Variants in ABLIM2 observed in about 807,000 individuals in gnomAD.
ABLIM2 encodes the protein actin binding LIM protein family member 2.
A neutral mutation model predicts 97.7 loss-of-function variants in ABLIM2; 53 were observed. The ratio of observed to expected loss-of-function variants is 0.54; its 90% confidence interval spans 0.44 to 0.68. ABLIM2 has a LOEUF of 0.68. Among genes scored for constraint, ABLIM2 ranks in the 30% least tolerant of loss-of-function variants. ABLIM2 has a pLI of 0.00. For synonymous variants in ABLIM2, 361 were observed against 345.8 expected (o/e 1.04, Z -0.49); for missense variants, 835 against 867.2 (o/e 0.96, Z 0.47).
At chr4:8,081,199 C>G (rs1178383542) in intron 4 of ABLIM2, among the ~76,000 whole-genome samples, 1 of 152,136 alleles carries the variant, frequency 6.6e-6, no homozygotes, top group East Asian at 1.9e-4. Context: ...AGCCAGCCCC[C>G]AGCCCCCAAC....
At chr4:8,086,350 T>C (rs1192620400) in intron 4 of ABLIM2, among the ~76,000 whole-genome samples, 3 of 81,120 alleles carry the variant, frequency 3.7e-5, no homozygotes, top group East Asian at 2.5e-4. Flanking sequence ...CCCCTCCCAC[T>C]TTTTTTTTTT....
At chr4:8,116,480 T>C (rs899526161) in intron 1 of ABLIM2, among the ~76,000 whole-genome samples, 1 of 152,184 alleles carries the variant, frequency 6.6e-6, no homozygotes, top group Admixed American at 6.5e-5. Flanking sequence ...AATCCGTGGG[T>C]TTCCACTTGG....
In ABLIM2 at chr4:8,001,127, C is replaced by G. The variant is rs911193337; in HGVS notation, c.1618+6932G>C. Reference sequence around the variant, plus strand: ...CCTTGGTGTGTCCATCTGAGGAAGACGGGCACCCCTCATCCCTGAGCAGCG... The same window carrying G: ...CCTTGGTGTGTCCATCTGAGGAAGAGGGGCACCCCTCATCCCTGAGCAGCG... On this transcript the variant is annotated intron_variant, in intron 16 of 20. Transcript: ENST00000447017. This position sits in a 1 kb window ranked among gnomAD's most constrained non-coding sequence, Gnocchi z 4.2. 2.0e-5 allele frequency among the ~76,000 whole-genome samples: 3 copies of G among 152,166 alleles called. No homozygotes were observed. Among genetic ancestry groups the G allele is most frequent in the Non-Finnish European group, 4.4e-5 (3 of 68,024 alleles).
At chr4:8,031,906 G>A (rs924780519) in intron 10 of ABLIM2, among the ~76,000 whole-genome samples, 2 of 151,998 alleles carry the variant, frequency 1.3e-5, no homozygotes, top group Admixed American at 6.6e-5. Context: ...TGTATTTTTA[G>A]TGGAGACGGG....
chr4:8,127,865 T>TG lies in ABLIM2; in HGVS notation c.11-21229dup, dbSNP rs1848664373. On this transcript the variant is annotated intron_variant, in intron 1 of 20. Transcript: ENST00000447017. The surrounding 1 kb of genome is among the most constrained non-coding windows in gnomAD (Gnocchi z 7.3). ...GGCACTCGGGGTGGGGGAGGAGTGG[T>TG]GGGGGTGGGGAGCATCTGCTGACCC... Among the ~76,000 whole-genome samples, 1 of 94,844 alleles carries TG rather than the reference T, an allele frequency of 1.1e-5. No individual in the cohort carries two copies. Among genetic ancestry groups the TG allele is most frequent in the Admixed American group, 1.2e-4 (1 of 8,596 alleles). 62.2% of individuals were successfully genotyped at this position (94,844 alleles called of 152,430 possible).
In ABLIM2 at chr4:8,147,095, G is replaced by C. The variant is rs994518868; in HGVS notation, c.10+11585C>G. The stretch of plus-strand genomic sequence containing the variant: ...TGTTTCAGAGGCTTTCTTCAGAAGA[G>C]ATTCCCAGAAGTCGCATTATTCCAT... On this transcript the variant is annotated intron_variant, in intron 1 of 20. Transcript: ENST00000447017. The surrounding 1 kb of genome is among the most constrained non-coding windows in gnomAD (Gnocchi z 5.3). Among the ~76,000 whole-genome samples the C allele has an allele frequency of 2.6e-5, 4 of 152,170 alleles. No individual in the cohort carries two copies. The highest frequency in any genetic ancestry group is 9.7e-5 in the African/African-American group (4 of 41,440).
Position 8,088,256 on chromosome 4 carries a change from T to G in ABLIM2, c.367A>C (p.Thr123Pro). ...CACATGCATTCCTTCCCGTTGAAGG[T>G]CACTCGGTCCCCGGGGGGGAAGGGC... ...RLPFPPGDRV[T>P]FNGKECMCQK... is the part of the protein sequence containing the mutation. The change falls in exon 4 of 21, where the codon ACC becomes CCC. Residue 123 changes from threonine (T) to proline (P), a missense_variant. Physicochemically the swap from Thr to Pro is conservative, Grantham distance 38. Transcript: ENST00000447017. 1.2e-6 allele frequency: 2 copies of G among 1,611,810 alleles called. No individual in the cohort carries two copies. Among genetic ancestry groups the G allele is most frequent in the Non-Finnish European group, 1.7e-6 (2 of 1,179,250 alleles).
chr4:8,094,960 CTCCCTCCT>C (rs1285544309), intron 3 of ABLIM2, among the ~76,000 whole-genome samples: 3 of 135,186 alleles, frequency 2.2e-5, no homozygotes, highest in Non-Finnish European at 4.9e-5. Flanking sequence ...CTTCCTTTCC[CTCCCTCCT>C]TCCCTCCCTT....
At position 8,123,254 on chromosome 4, in the gene ABLIM2, GGCACAACA is replaced by G. The variant is rs1221153474; in HGVS notation, c.11-16625_11-16618del. ...CCCTCCCCTGTGCAGGCATGGTGTG[GGCACAACA>G]GCACCAGCCCCATCTCCAACTGGCA... On this transcript the variant is annotated intron_variant, in intron 1 of 20. Transcript: ENST00000447017. This position sits in a 1 kb window ranked among gnomAD's most constrained non-coding sequence, Gnocchi z 6.2. Among the ~76,000 whole-genome samples the G allele has an allele frequency of 6.6e-6, 1 of 152,172 alleles. No individual in the cohort carries two copies. The highest frequency in any genetic ancestry group is 1.5e-5 in the Non-Finnish European group (1 of 68,038).
chr4:8,075,455 G>A lies in ABLIM2; in HGVS notation c.675+2173C>T, dbSNP rs548647548. Among the ~76,000 whole-genome samples, 1 of 152,282 alleles carries A rather than the reference G, an allele frequency of 6.6e-6. No individual in the cohort carries two copies. The highest frequency in any genetic ancestry group is 1.9e-4 in the East Asian group (1 of 5,182). On this transcript the variant is annotated intron_variant, in intron 6 of 20. Coordinates refer to ENST00000447017, the MANE Select transcript of ABLIM2 (RefSeq NM_001130083.2). The surrounding 1 kb of genome is among the most constrained non-coding windows in gnomAD (Gnocchi z 4.4). ...CACCTGTAATCCCAGCACTTTGGGCGGTGAAGGCAGGTGAATTGCTTAAGT... is the reference window on the plus strand; with the variant it reads ...CACCTGTAATCCCAGCACTTTGGGCAGTGAAGGCAGGTGAATTGCTTAAGT...
In ABLIM2 at chr4:8,082,011, CTG is replaced by C. The variant is rs1820189604; in HGVS notation, c.455-1211_455-1210del. On this transcript the variant is annotated intron_variant, in intron 4 of 20. Coordinates refer to ENST00000447017, the MANE Select transcript of ABLIM2 (RefSeq NM_001130083.2). The surrounding 1 kb of genome is among the most constrained non-coding windows in gnomAD (Gnocchi z 5.6). ...AATATGTCTGCACGTGAGAGTGTGT[CTG>C]TGTGTTTGTCGAAGTGTGTGTCTGC... is the stretch of plus-strand genomic sequence containing the variant. 6.6e-6 allele frequency among the ~76,000 whole-genome samples: 1 copy of C among 152,114 alleles called. No homozygotes were observed. Among genetic ancestry groups the C allele is most frequent in the Non-Finnish European group, 1.5e-5 (1 of 68,022 alleles).
intron 1 of ABLIM2, among the ~76,000 whole-genome samples, chr4:8,153,963 C>CT (rs55681745): frequency 0.017 from 2,273 of 131,850 alleles, 86 homozygotes; most frequent in South Asian, 0.062. Context: ...AACTTCTTTT[C>CT]TTTTTTTTTT....
At position 8,002,195 on chromosome 4, in the gene ABLIM2, G is replaced by C. The variant is rs774914315; in HGVS notation, c.1618+5864C>G. Among the ~76,000 whole-genome samples, 1 of 152,122 alleles carries C rather than the reference G, an allele frequency of 6.6e-6. No individual in the cohort carries two copies. The highest frequency in any genetic ancestry group is 1.5e-5 in the Non-Finnish European group (1 of 68,026). ...CCTCCAGCCTGGACCTCTCCTCTGA[G>C]CTCCGTCTGCCCCCTGGCAACCCCC... On this transcript the variant is annotated intron_variant, in intron 16 of 20. Coordinates refer to ENST00000447017, the MANE Select transcript of ABLIM2 (RefSeq NM_001130083.2). The surrounding 1 kb of genome is among the most constrained non-coding windows in gnomAD (Gnocchi z 6.1).
chr4:8,053,790 T>G (rs1207702765), intron 8 of ABLIM2, among the ~76,000 whole-genome samples: 1 of 152,146 alleles, frequency 6.6e-6, no homozygotes, highest in East Asian at 1.9e-4. Flanking sequence ...GTGGGTTAGT[T>G]ATCTCGGGAG....
In ABLIM2 at chr4:8,019,581, G is replaced by A. The variant is rs745981368; in HGVS notation, c.1423+37C>T. 2.9e-5 allele frequency: 46 copies of A among 1,585,798 alleles called. No homozygotes were observed. Among genetic ancestry groups the A allele is most frequent in the South Asian group, 1.4e-4 (12 of 87,796 alleles). On this transcript the variant is annotated intron_variant, in intron 14 of 20. Transcript: ENST00000447017. This position sits in a 1 kb window ranked among gnomAD's most constrained non-coding sequence, Gnocchi z 4.3. The stretch of plus-strand genomic sequence containing the variant: ...AGCAGATGGGTATTGACAGGCATGC[G>A]GGGCAAACCACAGCAGCGGGAGGAA...
chr4:8,150,345 C>A lies in ABLIM2; in HGVS notation c.10+8335G>T, dbSNP rs550267446. 6.6e-6 allele frequency among the ~76,000 whole-genome samples: 1 copy of A among 152,306 alleles called. No individual in the cohort carries two copies. The highest frequency in any genetic ancestry group is 2.1e-4 in the South Asian group (1 of 4,822). On this transcript the variant is annotated intron_variant, in intron 1 of 20. Transcript: ENST00000447017. The surrounding 1 kb of genome is among the most constrained non-coding windows in gnomAD (Gnocchi z 6.3). ...ACTGGGGACGGAGTTCCACCCATCA[C>A]ACATCCTCCACTCCTTGGGTGTTCA...
chr4:8,136,428 T>C lies in ABLIM2; in HGVS notation c.10+22252A>G, dbSNP rs1050543069. ...ATGGCACACTTAAGAATGGTCTAGA[T>C]GGAAATATAATGTATACATAGTACC... On this transcript the variant is annotated intron_variant, in intron 1 of 20. Transcript: ENST00000447017. 2.6e-5 allele frequency among the ~76,000 whole-genome samples: 4 copies of C among 152,248 alleles called. No homozygotes were observed. In the South Asian group the frequency reaches 6.2e-4, roughly 24 times the overall value.
rs1372179882 is a variant in ABLIM2, at chr4:7,999,803, G to C, written c.1619-6876C>G. Reference sequence around the variant, plus strand: ...TCCATGCCCAGGCTCAGCCAAACCAGGCTCCTGGCCGCCTCCCCTCCATGA... The same window carrying C: ...TCCATGCCCAGGCTCAGCCAAACCACGCTCCTGGCCGCCTCCCCTCCATGA... On this transcript the variant is annotated intron_variant, in intron 16 of 20. Transcript: ENST00000447017. The surrounding 1 kb of genome is among the most constrained non-coding windows in gnomAD (Gnocchi z 4.4). 6.6e-6 allele frequency among the ~76,000 whole-genome samples: 1 copy of C among 152,168 alleles called. No individual in the cohort carries two copies. The highest frequency in any genetic ancestry group is 2.4e-5 in the African/African-American group (1 of 41,450).
chr4:8,157,530 A>T (rs890364706), intron 1 of ABLIM2, among the ~76,000 whole-genome samples: 4 of 152,112 alleles, frequency 2.6e-5, no homozygotes, highest in Admixed American at 2.6e-4. Flanking sequence ...CCTTCCTTGG[A>T]TTGGAGGGGG....
Sources: allele counts gnomAD v4.1 joint callset (sites outside exome capture counted in the v4.1 genomes callset), GRCh38; gene constraint gnomAD v4.1.1; non-coding constraint Gnocchi (gnomAD v3.1); transcripts MANE v1.5; gene names NCBI Gene and HGNC (gene_info 2026-07-23, HGNC 2026-07-21).